MYO16: variants seen among roughly 807,000 people sequenced by gnomAD.
The protein encoded by MYO16 is myosin XVI, also known as unconventional myosin-XVI.
In MYO16, 94 loss-of-function variants were observed where a neutral mutation model predicts 205.3. The observed-to-expected ratio is 0.46, with a 90% CI of 0.39 to 0.54. The LOEUF is 0.54. Among genes scored for constraint, MYO16 ranks in the 20% least tolerant of loss-of-function variants. MYO16 has a pLI of 0.00. For synonymous variants in MYO16, 988 were observed against 954.0 expected (o/e 1.04, Z -0.66); for missense variants, 2,315 against 2,387.5 (o/e 0.97, Z 0.63).
At chr13:108,869,256 A>C (rs966242115) in intron 12 of MYO16, among the ~76,000 whole-genome samples, 12 of 152,152 alleles carry the variant, frequency 7.9e-5, no homozygotes, top group African/African-American at 2.7e-4. Context: ...AACTATATTC[A>C]TTTATTAAGG....
chr13:108,618,387 T>C (rs1299158641), intron 1 of MYO16, among the ~76,000 whole-genome samples: 1 of 152,168 alleles, frequency 6.6e-6, no homozygotes, highest in Non-Finnish European at 1.5e-5. Context: ...TGCAAGGCAT[T>C]GTGCATTAAG....
At chr13:109,139,856 C>T (rs932149582) in intron 31 of MYO16, among the ~76,000 whole-genome samples, 2 of 150,964 alleles carry the variant, frequency 1.3e-5, no homozygotes, top group Non-Finnish European at 2.9e-5. Flanking sequence ...CCACCAGAGC[C>T]GGGTGGTGGC....
intron 21 of MYO16, among the ~76,000 whole-genome samples, chr13:108,992,787 T>C (rs1172008581): frequency 6.6e-6 from 1 of 152,286 alleles, no homozygotes; most frequent in East Asian, 1.9e-4. Flanking sequence ...TTCAAAAACC[T>C]TGGCTAAACA....
At position 109,140,769 on chromosome 13, in the gene MYO16, G is replaced by A; in HGVS notation, c.4557G>A (p.Pro1519=). 1 of 1,425,662 alleles carries A rather than the reference G, an allele frequency of 7.0e-7. No homozygotes were observed. The highest frequency in any genetic ancestry group is 2.2e-5 in the Admixed American group (1 of 46,254). The allele number at this position is 1,425,662 out of a possible 1,614,324, so 88.3% of individuals were successfully genotyped here. Residue 1519 remains proline (P), a synonymous_variant, in exon 32 of 35, where the codon CCG becomes CCA. Coordinates refer to ENST00000457511, the MANE Select transcript of MYO16 (RefSeq NM_001198950.3). The surrounding 1 kb of genome is among the most constrained non-coding windows in gnomAD (Gnocchi z 8.0). ...PHRPPLLVFP[P]TPVTCSPASD... The stretch of plus-strand genomic sequence containing the variant: ...GGCCGCCCCTGCTGGTGTTCCCCCC[G>A]ACCCCCGTCACCTGCTCCCCCGCCT...
At chr13:108,613,794 G>A (rs989855873) in intron 1 of MYO16, among the ~76,000 whole-genome samples, 9 of 152,002 alleles carry the variant, frequency 5.9e-5, no homozygotes, top group African/African-American at 1.2e-4. Context: ...CCAAATGATC[G>A]TCACAGTAGA....
Position 109,140,372 on chromosome 13 carries a change from A to G in MYO16, c.4160A>G (p.Glu1387Gly), listed in dbSNP as rs1384577240. 1.2e-5 allele frequency: 20 copies of G among 1,601,186 alleles called. No individual in the cohort carries two copies. The highest frequency in any genetic ancestry group is 1.7e-5 in the Non-Finnish European group (20 of 1,178,314). The change falls in exon 32 of 35, where the codon GAG becomes GGG. Residue 1387 changes from glutamate to glycine, a missense_variant. Coordinates refer to ENST00000457511, the MANE Select transcript of MYO16 (RefSeq NM_001198950.3). This position sits in a 1 kb window ranked among gnomAD's most constrained non-coding sequence, Gnocchi z 8.0. Reference protein sequence around the residue: ...PNTKLSGSYEEISGSRPGDAR... With the variant: ...PNTKLSGSYEGISGSRPGDAR... ...ACCAAGCTCAGCGGCTCCTACGAGG[A>G]GATATCGGGGTCCCGGCCCGGGGAC...
chr13:108,574,669 T>TTGTG, the MYO16 span, among the ~76,000 whole-genome samples: 10,416 of 136,354 alleles, frequency 0.076, 530 homozygotes, highest in African/African-American at 0.16. Context: ...CAATAACAAT[T>TTGTG]TGTGTGTGTG....
intron 16 of MYO16, among the ~76,000 whole-genome samples, chr13:108,925,801 C>T (rs1881972844): frequency 6.6e-6 from 1 of 152,202 alleles, no homozygotes; most frequent in Admixed American, 6.5e-5. Flanking sequence ...CTGTTGGACT[C>T]CCTGACACTG....
intron 1 of MYO16, among the ~76,000 whole-genome samples, chr13:108,613,982 G>A (rs1027063061): frequency 1.3e-5 from 2 of 151,922 alleles, no homozygotes; most frequent in Non-Finnish European, 2.9e-5. Context: ...TCTAGCCAGG[G>A]CACTTACATA....
chr13:108,941,371 A>G (rs1395073477), intron 16 of MYO16, among the ~76,000 whole-genome samples: 1 of 152,172 alleles, frequency 6.6e-6, no homozygotes, highest in Non-Finnish European at 1.5e-5. Flanking sequence ...TTCTGGAGCG[A>G]AGACTGCCCA....
the MYO16 span, among the ~76,000 whole-genome samples, chr13:108,504,052 G>A: frequency 6.6e-6 from 1 of 152,006 alleles, no homozygotes; most frequent in African/African-American, 2.4e-5. Context: ...TCATTTCTAA[G>A]TGCACAGTAC....
Position 108,860,213 on chromosome 13 carries a change from A to C in MYO16, c.1359+4660A>C, listed in dbSNP as rs78983037. Among the ~76,000 whole-genome samples, 5 of 146,100 alleles carry C rather than the reference A, an allele frequency of 3.4e-5. No individual in the cohort carries two copies. In the East Asian group the frequency reaches 9.1e-4, roughly 27 times the overall value. ...TGGTGACTACCGTTTCCTTCTTTGCATTCATAAGTTCCTATCATTTACCTC... is the reference window on the plus strand; with the variant it reads ...TGGTGACTACCGTTTCCTTCTTTGCCTTCATAAGTTCCTATCATTTACCTC... On this transcript the variant is annotated intron_variant, in intron 11 of 34. Transcript: ENST00000457511.
intron 6 of MYO16, among the ~76,000 whole-genome samples, chr13:108,805,925 A>AAAACAAATAAATAAAT (rs1887098176): frequency 1.5e-5 from 2 of 137,072 alleles, no homozygotes; most frequent in East Asian, 4.4e-4. Context: ...AGTCTCTACC[A>AAAACAAATAAATAAAT]AAATAAATAA....
chr13:109,056,923 T>C (rs759757963), intron 27 of MYO16, among the ~76,000 whole-genome samples: 1 of 152,114 alleles, frequency 6.6e-6, no homozygotes, highest in Non-Finnish European at 1.5e-5. Flanking sequence ...GTTTAAAAAT[T>C]AACTATACAA....
the MYO16 span, among the ~76,000 whole-genome samples, chr13:108,507,057 T>C: frequency 1.3e-5 from 2 of 152,154 alleles, no homozygotes; most frequent in African/African-American, 2.4e-5. Flanking sequence ...GTGTATGACC[T>C]AATCCTAACC....
intron 4 of MYO16, among the ~76,000 whole-genome samples, chr13:108,782,509 C>T (rs1055394105): frequency 6.6e-6 from 1 of 152,148 alleles, no homozygotes; most frequent in Non-Finnish European, 1.5e-5. Flanking sequence ...AAAAGAAAAA[C>T]CCATTTTTTG....
Position 109,052,445 on chromosome 13 carries a change from A to G in MYO16, c.3018A>G (p.Gly1006=). 3.1e-6 allele frequency: 5 copies of G among 1,610,644 alleles called. No individual in the cohort carries two copies. The highest frequency in any genetic ancestry group is 4.2e-6 in the Non-Finnish European group (5 of 1,177,708). ...AAATGACAGCTTCTTCAATTATTGG[A>G]GAAAACAAGAATTATCTAGAACTTA... is the stretch of plus-strand genomic sequence containing the variant. The part of the protein sequence containing the change: ...SKKMTASSII[G]ENKNYLELSK... Residue 1006 remains glycine (G), a synonymous_variant, in exon 25 of 35, where the codon GGA becomes GGG. Coordinates refer to ENST00000457511, the MANE Select transcript of MYO16 (RefSeq NM_001198950.3).
chr13:108,642,303 C>T (rs1341873746), intron 1 of MYO16, among the ~76,000 whole-genome samples: 1 of 152,122 alleles, frequency 6.6e-6, no homozygotes, highest in Admixed American at 6.6e-5. Flanking sequence ...TTTGACTGAA[C>T]CCCAGTCTGC....
intron 10 of MYO16, among the ~76,000 whole-genome samples, chr13:108,850,525 A>T (rs1877802020): frequency 6.6e-6 from 1 of 152,332 alleles, no homozygotes; most frequent in Admixed American, 6.5e-5. Flanking sequence ...TTTGGAGAGG[A>T]CAGGCAATCT....
Sources: allele counts gnomAD v4.1 joint callset (sites outside exome capture counted in the v4.1 genomes callset), GRCh38; gene constraint gnomAD v4.1.1; non-coding constraint Gnocchi (gnomAD v3.1); transcripts MANE v1.5; gene names NCBI Gene and HGNC (gene_info 2026-07-23, HGNC 2026-07-21).